The following PRRC2A variants were observed in gnomAD, a reference collection of about 807,000 sequenced individuals.
The protein encoded by PRRC2A is proline rich coiled-coil 2A.
PRRC2A carries 59 observed loss-of-function variants against 224.6 expected under a neutral mutation model. That is an observed-to-expected ratio of 0.26 (90% CI 0.21 to 0.33). PRRC2A has a LOEUF of 0.33. PRRC2A is among the 10% of genes least tolerant of loss of function. The probability of loss-of-function intolerance (pLI) is 1.00; values close to 1 mark genes in which losing one functional copy is unlikely to be tolerated. For synonymous variants in PRRC2A, 1,194 were observed against 1,109.5 expected, an observed-to-expected ratio of 1.08 and a Z score of -1.51; for missense variants, 3,095 against 2,880.7, an observed-to-expected ratio of 1.07 and a Z score of -1.70.
intron 16 of PRRC2A, 113 bp from the exon 17 acceptor site, chr6:31,633,266 A>C: frequency 1.4e-6 from 2 of 1,461,972 alleles, no homozygotes; most frequent in Non-Finnish European, 1.9e-6. Flanking sequence ...ACTCAAAAAC[A>C]CCTGGACTTT....
At position 31,634,917 on chromosome 6, in the gene PRRC2A, T is replaced by G; in HGVS notation, c.5100T>G (p.Gly1700=). ...CCCTGAATGCTGTTCCTTGTGAGGG[T>G]CCACCTGGCTCTGAACCTCCTAGGA... The part of the protein sequence containing the change: ...SSPLNAVPCE[G]PPGSEPPRRP... Residue 1700 remains glycine (G), a synonymous_variant, in exon 21 of 31, where the codon GGT becomes GGG. Coordinates refer to ENST00000376033, the MANE Select transcript of PRRC2A (RefSeq NM_004638.4). The G allele has an allele frequency of 4.3e-6, 7 of 1,612,826 alleles. No homozygotes were observed. Among genetic ancestry groups the G allele is most frequent in the Non-Finnish European group, 5.9e-6 (7 of 1,179,968 alleles).
chr6:31,626,257 T>C (rs944955559), intron 9 of PRRC2A, 95 bp downstream of exon 9: 34 of 1,433,638 alleles, frequency 2.4e-5, no homozygotes, highest in South Asian at 5.2e-5. Flanking sequence ...AAGGCAGACA[T>C]TGAAGTGTAG....
chr6:31,636,976 C>A lies in PRRC2A; in HGVS notation c.6147+31C>A. On this transcript the variant is annotated intron_variant, in intron 28 of 30. Coordinates refer to ENST00000376033, the MANE Select transcript of PRRC2A (RefSeq NM_004638.4). The surrounding 1 kb of genome is among the most constrained non-coding windows in gnomAD (Gnocchi z 4.3). ...GTACAGGAACTGAGGGGCTAGGGAG[C>A]GCCAAGACTTGGGAGTAGGGATTCT... The A allele has an allele frequency of 2.5e-6, 4 of 1,602,304 alleles. No individual in the cohort carries two copies. The highest frequency in any genetic ancestry group is 1.1e-5 in the South Asian group (1 of 90,452).
chr6:31,621,021 CCTCCGGTACCTCTA>C (rs1775210738), intron 1 of PRRC2A, among the ~76,000 whole-genome samples, 163 bp downstream of exon 1: 1 of 152,210 alleles, frequency 6.6e-6, no homozygotes, highest in Non-Finnish European at 1.5e-5. Flanking sequence ...TGCCCCTCCC[CCTCCGGTACCTCTA>C]CTCCGGGACC....
Position 31,625,509 on chromosome 6 carries a change from G to T in PRRC2A, c.657G>T (p.Glu219Asp). The change falls in exon 7 of 31, where the codon GAG becomes GAT. Residue 219 changes from glutamate (E) to aspartate (D), a missense_variant. Glu to Asp is a conservative substitution (Grantham distance 45). Transcript: ENST00000376033. This position sits in a 1 kb window ranked among gnomAD's most constrained non-coding sequence, Gnocchi z 4.1. ...GTGGGCGTGGCCCTGATGAGCTGGA[G>T]GGCCCGGACTCCAAACTTCATCATG... ...DGGGRGPDEL[E>D]GPDSKLHHGH... The T allele has an allele frequency of 6.3e-7, 1 of 1,583,676 alleles. No homozygotes were observed. The highest frequency in any genetic ancestry group is 8.6e-7 in the Non-Finnish European group (1 of 1,161,168).
At position 31,624,765 on chromosome 6, in the gene PRRC2A, G is replaced by A. The variant is rs150937506; in HGVS notation, c.463+243G>A. ...TCTGTAGGGGGGTGAGTTTGAAGGC[G>A]GGAAACCTGATGGTCTGGTACCTGT... On this transcript the variant is annotated intron_variant, in intron 5 of 30. Coordinates refer to ENST00000376033, the MANE Select transcript of PRRC2A (RefSeq NM_004638.4). The A allele has an allele frequency of 1.4e-3, 809 of 588,504 alleles. 6 individuals carry two copies. The highest frequency in any genetic ancestry group is 0.014 in the Admixed American group (461 of 33,608). 36.5% of individuals were successfully genotyped at this position (588,504 alleles called of 1,614,324 possible).
At chr6:31,623,709 C>T (rs1341964778) in intron 2 of PRRC2A, 23 bp from the exon 3 acceptor site, 1 of 1,611,420 alleles carries the variant, frequency 6.2e-7, no homozygotes, top group Non-Finnish European at 8.5e-7. Flanking sequence ...CATTTTCGAC[C>T]CTCTCTCCGT....
intron 20 of PRRC2A, 25 bp from the exon 21 acceptor site, chr6:31,634,728 C>T: frequency 6.2e-7 from 1 of 1,606,714 alleles, no homozygotes; most frequent in Non-Finnish European, 8.5e-7. Flanking sequence ...CCTGACTTAA[C>T]TAGCTCCTTC....
rs1285052128 is a variant in PRRC2A, at chr6:31,625,239, G to A, written c.532G>A (p.Asp178Asn). The A allele has an allele frequency of 6.2e-7, 1 of 1,613,102 alleles. No individual in the cohort carries two copies. Among genetic ancestry groups the A allele is most frequent in the Non-Finnish European group, 8.5e-7 (1 of 1,180,024 alleles). ...EEFPTLQAAG[D>N]QDKAAKERES... Reference sequence around the variant, plus strand: ...ATTTCCGACCCTGCAGGCGGCTGGCGACCAGGACAAGGCTGCCAAGGAAAG... The same window carrying A: ...ATTTCCGACCCTGCAGGCGGCTGGCAACCAGGACAAGGCTGCCAAGGAAAG... The change falls in exon 6 of 31, where the codon GAC (aspartate) becomes AAC (asparagine). Residue 178 changes from aspartate (D) to asparagine (N), a missense_variant. Physicochemically the swap from Asp to Asn is conservative, Grantham distance 23. Around this residue, in one of 8 missense-constraint regions of PRRC2A, gnomAD observed 287 missense variants for 275.3 expected, o/e 1.04. Transcript: ENST00000376033. This position sits in a 1 kb window ranked among gnomAD's most constrained non-coding sequence, Gnocchi z 4.1.
rs768336304 is a variant in PRRC2A, at chr6:31,629,623, C to T, written c.2032C>T (p.Pro678Ser). 3 of 1,612,488 alleles carry T rather than the reference C, an allele frequency of 1.9e-6. No homozygotes were observed. The highest frequency in any genetic ancestry group is 2.5e-6 in the Non-Finnish European group (3 of 1,179,526). Residue 678 changes from proline (P) to serine (S), a missense_variant, in exon 14 of 31, where the codon CCC becomes TCC. By Grantham distance (74) the Pro-to-Ser change is moderately conservative (BLOSUM62 -1). Transcript: ENST00000376033. The stretch of plus-strand genomic sequence containing the variant: ...GGGCTCTGCCCCTCCTACCCCAGTG[C>T]CCCCATCACCACCACAGCCTGTGAC... ...QQGSAPPTPV[P>S]PSPPQPVTLG... is the part of the protein sequence containing the mutation.
chr6:31,637,610 C>G lies in PRRC2A; in HGVS notation c.*24C>G. 2 of 1,455,430 alleles carry G rather than the reference C, an allele frequency of 1.4e-6. No homozygotes were observed. Among genetic ancestry groups the G allele is most frequent in the Non-Finnish European group, 1.8e-6 (2 of 1,091,198 alleles). The allele number at this position is 1,455,430 out of a possible 1,614,324, so 90.2% of individuals were successfully genotyped here. ...GAGGGAGTTCCTCTTGCCCCCTACC[C>G]CCGGGGCTTGTATATAGATTATAAA... On this transcript the variant is annotated 3_prime_UTR_variant, in exon 31 of 31. Coordinates refer to ENST00000376033, the MANE Select transcript of PRRC2A (RefSeq NM_004638.4).
At chr6:31,630,862 A>C in intron 15 of PRRC2A, 61 bp downstream of exon 15, 2 of 1,573,894 alleles carry the variant, frequency 1.3e-6, no homozygotes, top group South Asian at 1.1e-5. Context: ...CCTGGGAGAA[A>C]GGTACTTTGG....
In PRRC2A at chr6:31,634,009, T is replaced by C. The variant is rs1220390167; in HGVS notation, c.4719+20T>C. The C allele has an allele frequency of 6.2e-7, 1 of 1,600,792 alleles. No individual in the cohort carries two copies. Among genetic ancestry groups the C allele is most frequent in the African/African-American group, 1.3e-5 (1 of 74,090 alleles). Reference sequence around the variant, plus strand: ...CAGGAGGTAAGGGATGGGTTTGAGATTGTGCTTCACTGCACTCTTACTCGT... The same window carrying C: ...CAGGAGGTAAGGGATGGGTTTGAGACTGTGCTTCACTGCACTCTTACTCGT... On this transcript the variant is annotated intron_variant, in intron 18 of 30. Transcript: ENST00000376033.
In PRRC2A at chr6:31,636,094, T is replaced by G; in HGVS notation, c.5624+45T>G. 1 of 1,579,802 alleles carries G rather than the reference T, an allele frequency of 6.3e-7. No homozygotes were observed. Among genetic ancestry groups the G allele is most frequent in the Non-Finnish European group, 8.7e-7 (1 of 1,149,372 alleles). On this transcript the variant is annotated intron_variant, in intron 25 of 30. Transcript: ENST00000376033. This position sits in a 1 kb window ranked among gnomAD's most constrained non-coding sequence, Gnocchi z 4.3. The stretch of plus-strand genomic sequence containing the variant: ...GATCACAGAAGTACTTGGAGATGTG[T>G]TTCGGGGAGAGGGAAGGGGAAGACA...
chr6:31,623,021 T>C (rs560948448), intron 2 of PRRC2A, 120 bp downstream of exon 2: 8 of 910,798 alleles, frequency 8.8e-6, no homozygotes, highest in Admixed American at 1.8e-5. Flanking sequence ...AGAGGAGATT[T>C]CCCAACTTTA....
At chr6:31,621,066 C>G (rs1775218524) in intron 1 of PRRC2A, among the ~76,000 whole-genome samples, 1 of 152,224 alleles carries the variant, frequency 6.6e-6, no homozygotes. Flanking sequence ...GCAGTTCATT[C>G]AGGATCCGTA....
intron 12 of PRRC2A, chr6:31,628,890 T>C (rs73728957): frequency 6.7e-4 from 316 of 473,920 alleles, no homozygotes; most frequent in African/African-American, 5.7e-3. Flanking sequence ...ATGAAAACTA[T>C]TTCCTATAGG....
chr6:31,633,977 G>T lies in PRRC2A; in HGVS notation c.4707G>T (p.Glu1569Asp). The change falls in exon 18 of 31, where the codon GAG (glutamate) becomes GAT (aspartate). Residue 1569 changes from glutamate (E) to aspartate (D), a missense_variant. Physicochemically the swap from Glu to Asp is conservative, Grantham distance 45. Transcript: ENST00000376033. Reference protein sequence around the residue: ...KRRERPPRKPELLQEESLPPP... With the variant: ...KRRERPPRKPDLLQEESLPPP... ...GGGAGCGGCCTCCCAGAAAACCAGA[G>T]CTGCTACAGGAGGTAAGGGATGGGT... 6.2e-7 allele frequency: 1 copy of T among 1,604,402 alleles called. No homozygotes were observed. Among genetic ancestry groups the T allele is most frequent in the Non-Finnish European group, 8.5e-7 (1 of 1,177,814 alleles).
In PRRC2A at chr6:31,628,222, G is replaced by T. The variant is rs777046321; in HGVS notation, c.1748G>T (p.Ser583Ile). The T allele has an allele frequency of 1.1e-5, 18 of 1,610,988 alleles. No individual in the cohort carries two copies. The highest frequency in any genetic ancestry group is 1.7e-5 in the Admixed American group (1 of 59,954). Residue 583 changes from serine to isoleucine, a missense_variant, in exon 12 of 31, where the codon AGC becomes ATC. Physicochemically the swap from Ser to Ile is moderately radical, Grantham distance 142 (BLOSUM62 -2). Around this residue, in one of 8 missense-constraint regions of PRRC2A, gnomAD observed 2,001 missense variants for 1,764.9 expected, o/e 1.13. Transcript: ENST00000376033. ...AGTACCAGTAGCACCAGCAGTGGCA[G>T]CTTCGAAGCCAGCCCAGGTATGGAG... ...GGSTSSTSSGSFEASPVEPQL... is the reference protein window; with the variant it reads ...GGSTSSTSSGIFEASPVEPQL...
Sources: gnomAD v4.1 joint callset for allele counts (sites outside exome capture counted in the v4.1 genomes callset) on GRCh38, gnomAD v4.1.1 for gene constraint, gnomAD v4.1.1 regional missense constraint, Gnocchi (gnomAD v3.1) non-coding constraint, MANE v1.5 for transcripts, NCBI Gene and HGNC (gene_info 2026-07-23, HGNC 2026-07-21) for gene names.